Variants in KYNU observed in about 807,000 individuals in gnomAD.
The protein encoded by KYNU is L-kynurenine hydrolase.
KYNU carries 54 observed loss-of-function variants against 59.2 expected under a neutral mutation model. The ratio of observed to expected loss-of-function variants is 0.91; its 90% CI spans 0.73 to 1.14. The LOEUF (loss-of-function observed/expected upper bound fraction) is 1.14, where lower values mean the gene tolerates loss of function less well. Ranked by LOEUF, KYNU falls within the 50% of genes most tolerant of loss-of-function variation. The pLI is 0.00. For synonymous variants in KYNU, 177 were observed against 192.0 expected (o/e 0.92, Z 0.65); for missense variants, 567 against 554.4 (o/e 1.02, Z -0.23).
At chr2:143,032,443 A>G (rs1686780164) in intron 11 of KYNU, among the ~76,000 whole-genome samples, 1 of 152,208 alleles carries the variant, frequency 6.6e-6, no homozygotes, top group East Asian at 1.9e-4. Flanking sequence ...GGGGATTACA[A>G]TTCAAGATGA....
In KYNU at chr2:142,960,705, G is replaced by T; in HGVS notation, c.664G>T (p.Gly222Trp). The change falls in exon 8 of 14, where the codon GGG becomes TGG. Residue 222 changes from glycine (G) to tryptophan (W), a missense_variant. Gly to Trp is a radical substitution (Grantham distance 184, BLOSUM62 -2). Coordinates refer to ENST00000264170, the MANE Select transcript of KYNU (RefSeq NM_003937.3). ...GDSIAVILFS[G>W]VHFYTGQHFN... The stretch of plus-strand genomic sequence containing the variant: ...CTCAATTGCAGTGATCCTGTTCAGT[G>T]GGGTGCATTTTTACACTGGACAGCA... The T allele has an allele frequency of 2.5e-6, 4 of 1,613,896 alleles. No individual in the cohort carries two copies. In the South Asian group the frequency reaches 4.4e-5, roughly 18 times the overall value.
At chr2:142,928,013 CACAT>C (rs1683098881) in intron 4 of KYNU, among the ~76,000 whole-genome samples, 1 of 151,924 alleles carries the variant, frequency 6.6e-6, no homozygotes, top group African/African-American at 2.4e-5. Context: ...ACATGAAAAA[CACAT>C]ACATTGTATT....
Position 142,929,832 on chromosome 2 carries a change from A to T in KYNU, c.373+2091A>T, listed in dbSNP as rs528239475. Reference sequence around the variant, plus strand: ...GAAAACCAAGGTTCTTATTATGTAGATAAAGTCTCATAGGTGGCTGCCCTT... The same window carrying T: ...GAAAACCAAGGTTCTTATTATGTAGTTAAAGTCTCATAGGTGGCTGCCCTT... On this transcript the variant is annotated intron_variant, in intron 4 of 13. Transcript: ENST00000264170. Among the ~76,000 whole-genome samples, 5 of 152,314 alleles carry T rather than the reference A, an allele frequency of 3.3e-5. No homozygotes were observed. In the South Asian group the frequency reaches 1.0e-3, roughly 32 times the overall value.
chr2:142,932,459 G>A (rs955159201), intron 4 of KYNU, among the ~76,000 whole-genome samples: 1 of 152,144 alleles, frequency 6.6e-6, no homozygotes, highest in African/African-American at 2.4e-5. Context: ...ATATGTGATT[G>A]TCTGGGGTTT....
intron 3 of KYNU, 61 bp downstream of exon 3, chr2:142,918,790 T>C: frequency 6.5e-7 from 1 of 1,526,818 alleles, no homozygotes; most frequent in Non-Finnish European, 9.0e-7. Context: ...AAAATCACAT[T>C]AGGTTGTCTA....
At chr2:142,963,166 G>A (rs989234692) in intron 8 of KYNU, among the ~76,000 whole-genome samples, 1 of 152,028 alleles carries the variant, frequency 6.6e-6, no homozygotes, top group African/African-American at 2.4e-5. Context: ...TTTAAGAAAT[G>A]TATGTATACC....
chr2:142,881,957 G>A (rs762967327), intron 1 of KYNU, among the ~76,000 whole-genome samples: 1 of 123,088 alleles, frequency 8.1e-6, no homozygotes, highest in African/African-American at 3.3e-5. Context: ...ATCTTGCTAC[G>A]TTGTCCAGAC....
chr2:142,930,769 T>C (rs910633199), intron 4 of KYNU, among the ~76,000 whole-genome samples: 2 of 152,208 alleles, frequency 1.3e-5, no homozygotes, highest in Admixed American at 6.5e-5. Context: ...TACACTCACA[T>C]TGGAGATTAG....
chr2:142,975,018 C>T (rs563708754), intron 8 of KYNU, among the ~76,000 whole-genome samples: 3 of 152,230 alleles, frequency 2.0e-5, no homozygotes, highest in South Asian at 2.1e-4. Context: ...TCAGGAGCCA[C>T]GGAAATACTG....
intron 4 of KYNU, 29 bp downstream of exon 4, chr2:142,927,770 A>T (rs1250833749): frequency 7.1e-7 from 1 of 1,408,956 alleles, no homozygotes; most frequent in Non-Finnish European, 1.0e-6. Flanking sequence ...AGTTTTTCCA[A>T]ATGAATTGTA....
At chr2:142,943,334 A>G (rs761072605) in intron 4 of KYNU, among the ~76,000 whole-genome samples, 1 of 152,208 alleles carries the variant, frequency 6.6e-6, no homozygotes, top group Non-Finnish European at 1.5e-5. Context: ...TTAATTTACC[A>G]TAAAAAATTT....
chr2:142,920,058 T>C (rs1682822884), intron 3 of KYNU, among the ~76,000 whole-genome samples: 1 of 151,860 alleles, frequency 6.6e-6, no homozygotes, highest in Non-Finnish European at 1.5e-5. Context: ...CGACTCTGCT[T>C]CAATAAAATA....
intron 4 of KYNU, among the ~76,000 whole-genome samples, chr2:142,931,888 C>T (rs1479830798): frequency 1.3e-5 from 2 of 152,008 alleles, no homozygotes; most frequent in South Asian, 2.1e-4. Flanking sequence ...GTTCAGAGTA[C>T]GAAATGGGGA....
intron 10 of KYNU, among the ~76,000 whole-genome samples, chr2:143,018,593 C>T (rs527602244): frequency 6.6e-6 from 1 of 152,188 alleles, no homozygotes; most frequent in South Asian, 2.1e-4. Context: ...TTTGTTATTT[C>T]TGCTTAGGAT....
At chr2:143,010,657 A>G (rs1429641829) in intron 10 of KYNU, among the ~76,000 whole-genome samples, 1 of 147,758 alleles carries the variant, frequency 6.8e-6, no homozygotes, top group Non-Finnish European at 1.5e-5. Context: ...CCTGACTTCA[A>G]ACTATACTAC....
chr2:143,005,227 T>TC (rs1685835677), intron 10 of KYNU, among the ~76,000 whole-genome samples: 1 of 152,138 alleles, frequency 6.6e-6, no homozygotes, highest in Middle Eastern at 3.2e-3. Context: ...GATCAATCCT[T>TC]CCCCCAGGCA....
rs796124898 is a variant in KYNU, at chr2:142,942,161, AAAAAAAAAAAAAAG to A, written c.374-12636_374-12623del. Among the ~76,000 whole-genome samples, 41 of 60,130 alleles carry A rather than the reference AAAAAAAAAAAAAAG, an allele frequency of 6.8e-4. No homozygotes were observed. The East Asian group carries it at 0.013, about 19-fold the overall frequency. 39.4% of individuals were successfully genotyped at this position (60,130 alleles called of 152,430 possible). A position where few individuals can be genotyped will look rare whatever the true frequency, so the allele number is the denominator to read the frequency against. ...TGCTGCACTACATCCTGGGTGACAG[AAAAAAAAAAAAAAG>A]AAAAAAAAAAAAGAAAAATGTGTAA... On this transcript the variant is annotated intron_variant, in intron 4 of 13. Transcript: ENST00000264170.
intron 10 of KYNU, among the ~76,000 whole-genome samples, chr2:143,022,946 C>T (rs959687297): frequency 7.9e-5 from 12 of 151,886 alleles, no homozygotes; most frequent in African/African-American, 2.9e-4. Flanking sequence ...GTGTAACTGT[C>T]ATTTTATGTT....
intron 8 of KYNU, among the ~76,000 whole-genome samples, chr2:142,969,997 A>C (rs189537042): frequency 6.5e-4 from 99 of 152,346 alleles, no homozygotes; most frequent in Non-Finnish European, 1.1e-3. Context: ...TGTACACATC[A>C]GTTCTAATTT....
Sources: gnomAD v4.1 joint callset for allele counts (sites outside exome capture counted in the v4.1 genomes callset) on GRCh38, gnomAD v4.1.1 for gene constraint, MANE v1.5 for transcripts, NCBI Gene and HGNC (gene_info 2026-07-23, HGNC 2026-07-21) for gene names.